SGCD: variants seen among roughly 807,000 people sequenced by gnomAD.
The protein encoded by SGCD is delta-sarcoglycan.
A neutral mutation model predicts 36.6 loss-of-function variants in SGCD; 18 were observed. The observed-to-expected ratio is 0.49, with a 90% CI of 0.34 to 0.73. The LOEUF (loss-of-function observed/expected upper bound fraction) is 0.73. SGCD is among the 30% of genes least tolerant of loss of function. The probability of loss-of-function intolerance (pLI) is 0.01; values close to 1 mark genes in which losing one functional copy is unlikely to be tolerated. For missense variants in SGCD, 387 were observed against 346.7 expected (o/e 1.12, Z -0.92); for synonymous variants, 133 against 130.6 (o/e 1.02, Z -0.12).
intron 3 of SGCD, among the ~76,000 whole-genome samples, chr5:156,183,391 C>T (rs1206216633): frequency 1.3e-5 from 2 of 152,124 alleles, no homozygotes; most frequent in South Asian, 2.1e-4. Context: ...CATAATAATA[C>T]AATAATAACT....
chr5:156,534,906 A>T (rs6897279), intron 4 of SGCD, among the ~76,000 whole-genome samples: 72,881 of 151,982 alleles, frequency 0.48, 17,859 homozygotes, highest in African/African-American at 0.54. Context: ...AGCCCTGAGA[A>T]AAGTATCAAT....
chr5:156,512,191 C>CAAAAA (rs759345867), intron 4 of SGCD, among the ~76,000 whole-genome samples: 2 of 66,870 alleles, frequency 3.0e-5, no homozygotes, highest in African/African-American at 6.0e-5. Flanking sequence ...GACTCTGTCT[C>CAAAAA]AAAAAAAAAA....
chr5:156,739,662 G>C (rs1561888457), intron 7 of SGCD: 1 of 152,124 alleles, frequency 6.6e-6, no homozygotes. Flanking sequence ...ACCTATGGAA[G>C]CTGCAGATGA....
chr5:156,586,973 C>T (rs1350062731), intron 4 of SGCD, among the ~76,000 whole-genome samples: 35 of 151,966 alleles, frequency 2.3e-4, no homozygotes, highest in Admixed American at 2.3e-3. Context: ...TAGCCTTTAA[C>T]TTCATTTCAC....
At chr5:155,770,908 T>C in the SGCD span, among the ~76,000 whole-genome samples, 1 of 152,184 alleles carries the variant, frequency 6.6e-6, no homozygotes, top group Admixed American at 6.5e-5. Flanking sequence ...CTGGTTTTGC[T>C]TTAAAAAACA....
At chr5:156,656,011 C>G (rs75304075) in intron 7 of SGCD, among the ~76,000 whole-genome samples, 2 of 151,886 alleles carry the variant, frequency 1.3e-5, no homozygotes, top group Non-Finnish European at 2.9e-5. Context: ...TCTGATCCTA[C>G]GAGAATAGGA....
At chr5:156,695,859 G>A (rs1033587822) in intron 7 of SGCD, among the ~76,000 whole-genome samples, 1 of 152,212 alleles carries the variant, frequency 6.6e-6, no homozygotes, top group African/African-American at 2.4e-5. Context: ...GGGCTAAGAA[G>A]AATCCCATGT....
chr5:156,673,929 C>G (rs75148527), intron 7 of SGCD, among the ~76,000 whole-genome samples: 1 of 152,130 alleles, frequency 6.6e-6, no homozygotes, highest in Non-Finnish European at 1.5e-5. Context: ...GTGTTGACAC[C>G]TTCCTAACAT....
rs1044401028 is a variant in SGCD, at chr5:156,010,915, G to A, written c.-281-106963G>A. Among the ~76,000 whole-genome samples the A allele has an allele frequency of 5.3e-5, 8 of 152,068 alleles. 1 individual carries two copies. Among genetic ancestry groups the A allele is most frequent in the Non-Finnish European group, 2.9e-5 (2 of 68,008 alleles). ...ATAATTACTGATATATATTGTTATG[G>A]CTTGTTTCATGTTTATAGCTCATTC... On this transcript the variant is annotated intron_variant, in intron 1 of 9. Coordinates refer to the SGCD transcript ENST00000517913.
At chr5:156,028,227 C>T (rs1049807823) in intron 1 of SGCD, among the ~76,000 whole-genome samples, 3 of 152,182 alleles carry the variant, frequency 2.0e-5, no homozygotes, top group African/African-American at 7.2e-5. Flanking sequence ...GTATCGAAGA[C>T]AGGGTAGAAT....
In SGCD at chr5:156,766,253, A is replaced by C. The variant is rs759198372; in HGVS notation, c.*6863A>C. 6.6e-6 allele frequency: 1 copy of C among 151,996 alleles called. No individual in the cohort carries two copies. The highest frequency in any genetic ancestry group is 1.5e-5 in the Non-Finnish European group (1 of 67,992). The allele number at this position is 151,996 out of a possible 1,614,324, so 9.4% of individuals were successfully genotyped here. On this transcript the variant is annotated 3_prime_UTR_variant, in exon 9 of 9. Coordinates refer to ENST00000337851, the MANE Select transcript of SGCD (RefSeq NM_000337.6). ...CTTCTTTACCTTTACTTGTGGCAAAACTCAAGGAAGCGATCAAATAGAGGG... is the reference window on the plus strand; with the variant it reads ...CTTCTTTACCTTTACTTGTGGCAAACCTCAAGGAAGCGATCAAATAGAGGG...
At chr5:156,752,083 G>A (rs1025321004) in intron 7 of SGCD, among the ~76,000 whole-genome samples, 2 of 152,130 alleles carry the variant, frequency 1.3e-5, no homozygotes, top group African/African-American at 4.8e-5. Flanking sequence ...CTAGGGAAAT[G>A]GAATAAATTA....
At chr5:155,809,883 T>C in the SGCD span, among the ~76,000 whole-genome samples, 1 of 152,212 alleles carries the variant, frequency 6.6e-6, no homozygotes, top group Admixed American at 6.5e-5. Context: ...CATCATCTGA[T>C]GAAAGATACA....
chr5:156,362,373 C>T lies in SGCD; in HGVS notation c.192+17696C>T, dbSNP rs75891761. On this transcript the variant is annotated intron_variant, in intron 3 of 8. Transcript: ENST00000337851. ...TTAGAAATAGCATTCGAGGCTGGCACGTGGTGGCTCATGCCTGTAATGCCA... is the reference window on the plus strand; with the variant it reads ...TTAGAAATAGCATTCGAGGCTGGCATGTGGTGGCTCATGCCTGTAATGCCA... Among the ~76,000 whole-genome samples the T allele has an allele frequency of 9.1e-3, 1,391 of 152,292 alleles. 23 individuals are homozygous for T. The highest frequency in any genetic ancestry group is 0.031 in the African/African-American group (1,302 of 41,568).
At chr5:156,284,916 A>C (rs553825197) in intron 3 of SGCD, among the ~76,000 whole-genome samples, 10 of 152,344 alleles carry the variant, frequency 6.6e-5, no homozygotes, top group South Asian at 2.1e-4. Flanking sequence ...TTGTGTATCT[A>C]GAAAACCCCA....
chr5:156,027,680 G>T (rs1180601139), intron 1 of SGCD, among the ~76,000 whole-genome samples: 3 of 152,060 alleles, frequency 2.0e-5, no homozygotes, highest in Non-Finnish European at 4.4e-5. Context: ...GATCTAATGA[G>T]GGCTAAGACA....
At chr5:156,360,965 C>G (rs1769758995) in intron 3 of SGCD, among the ~76,000 whole-genome samples, 1 of 152,068 alleles carries the variant, frequency 6.6e-6, no homozygotes. Context: ...GCAACTGCCC[C>G]ACATGATTGA....
chr5:156,481,908 G>T (rs1468331033), intron 3 of SGCD, among the ~76,000 whole-genome samples: 5 of 152,116 alleles, frequency 3.3e-5, no homozygotes, highest in Non-Finnish European at 7.4e-5. Flanking sequence ...CATTAATCCT[G>T]ACTGATCAGA....
the SGCD span, among the ~76,000 whole-genome samples, chr5:155,777,063 C>T: frequency 6.6e-6 from 1 of 152,052 alleles, no homozygotes; most frequent in South Asian, 2.1e-4. Flanking sequence ...TGGAGATGGA[C>T]AAGAAAAGGG....
Sources: gnomAD v4.1 joint callset for allele counts (sites outside exome capture counted in the v4.1 genomes callset) on GRCh38, gnomAD v4.1.1 for gene constraint, MANE v1.5 for transcripts, NCBI Gene and HGNC (gene_info 2026-07-23, HGNC 2026-07-21) for gene names.